MIA2: variants seen among roughly 807,000 people sequenced by gnomAD.
The protein encoded by MIA2 is MIA SH3 domain ER export factor 2.
MIA2 carries 127 observed loss-of-function variants against 167.8 expected under a neutral mutation model. The observed-to-expected ratio is 0.76, with a 90% CI of 0.66 to 0.88. MIA2 has a LOEUF of 0.88. Among genes scored for constraint, MIA2 ranks in the 40% least tolerant of loss-of-function variants. MIA2 has a pLI of 0.00. For synonymous variants in MIA2, 552 were observed against 541.9 expected (o/e 1.02, Z -0.26); for missense variants, 1,690 against 1,624.7 (o/e 1.04, Z -0.69).
chr14:39,385,456 A>G (rs1399059157), intron 23 of MIA2: 6 of 1,207,856 alleles, frequency 5.0e-6, no homozygotes, highest in African/African-American at 3.0e-5. Flanking sequence ...TCTTGGGTCA[A>G]TCAACTCTCT....
chr14:39,372,898 C>A (rs186516799), intron 23 of MIA2, among the ~76,000 whole-genome samples: 20 of 152,222 alleles, frequency 1.3e-4, no homozygotes, highest in African/African-American at 4.6e-4. Context: ...GCAATTCCTA[C>A]TGAAATTGAG....
intron 6 of MIA2, among the ~76,000 whole-genome samples, chr14:39,272,724 CT>C (rs1162509375): frequency 2.0e-5 from 3 of 152,030 alleles, no homozygotes; most frequent in Non-Finnish European, 2.9e-5. Flanking sequence ...GATCGCACCA[CT>C]GCACTCCAGC....
intron 16 of MIA2, among the ~76,000 whole-genome samples, 183 bp downstream of exon 16, chr14:39,303,707 A>G (rs910927395): frequency 6.6e-6 from 1 of 152,072 alleles, no homozygotes; most frequent in African/African-American, 2.4e-5. Flanking sequence ...AATTTATATA[A>G]TTTTTGGAAT....
chr14:39,372,897 A>C (rs1350199045), intron 23 of MIA2, among the ~76,000 whole-genome samples: 2 of 152,202 alleles, frequency 1.3e-5, no homozygotes, highest in Non-Finnish European at 2.9e-5. Context: ...AGCAATTCCT[A>C]CTGAAATTGA....
chr14:39,374,594 A>C (rs960413158), intron 23 of MIA2, among the ~76,000 whole-genome samples: 1 of 152,048 alleles, frequency 6.6e-6, no homozygotes, highest in Non-Finnish European at 1.5e-5. Context: ...ATAGATATAA[A>C]TATTTTGCTT....
chr14:39,375,240 T>C (rs774967751), intron 23 of MIA2, among the ~76,000 whole-genome samples: 19 of 152,250 alleles, frequency 1.2e-4, no homozygotes, highest in Non-Finnish European at 2.4e-4. Context: ...ATTGGCTCTG[T>C]TGATTAAAGT....
downstream of MIA2, among the ~76,000 whole-genome samples, chr14:39,352,999 T>C (rs1245438318): frequency 6.6e-6 from 1 of 152,186 alleles, no homozygotes; most frequent in Non-Finnish European, 1.5e-5. Flanking sequence ...TTGTATCCTT[T>C]GACCAGTATC....
intron 25 of MIA2, among the ~76,000 whole-genome samples, chr14:39,330,758 A>T (rs147384100): frequency 6.6e-6 from 1 of 152,128 alleles, no homozygotes; most frequent in Non-Finnish European, 1.5e-5. Context: ...TTCAGTTTCC[A>T]TGTAGCTGTG....
At chr14:39,354,609 G>C (rs868602386), downstream of MIA2, among the ~76,000 whole-genome samples, 4 of 152,102 alleles carry the variant, frequency 2.6e-5, no homozygotes, top group Non-Finnish European at 5.9e-5. Context: ...CATTGCTTTT[G>C]GTGTTTTAGA....
rs74965046 is a variant in MIA2 at position 39,293,161 on chromosome 14, G to C, written c.2209-110G>C. On this transcript the variant is annotated intron_variant, in intron 10 of 28. Transcript: ENST00000640607. ...TTTGATATTATAAAAATGAGCAAATGTATAAATGAAAGTTATTTAACTTAT... is the reference window on the plus strand; with the variant it reads ...TTTGATATTATAAAAATGAGCAAATCTATAAATGAAAGTTATTTAACTTAT... The C allele has an allele frequency of 6.2e-3, 4,780 of 773,608 alleles. 144 individuals carry two copies. The African/African-American group carries it at 0.066, about 11-fold the overall frequency. 47.9% of individuals were successfully genotyped at this position (773,608 alleles called of 1,614,324 possible).
intron 25 of MIA2, among the ~76,000 whole-genome samples, chr14:39,334,527 G>A (rs1411038727): frequency 6.6e-6 from 1 of 151,522 alleles, no homozygotes; most frequent in Non-Finnish European, 1.5e-5. Context: ...TTTCTTTTAT[G>A]TTGTGTTTCA....
At chr14:39,298,541 T>TGTTTTTTTTTTTTTG (rs1566804366) in intron 13 of MIA2, among the ~76,000 whole-genome samples, 1 of 133,570 alleles carries the variant, frequency 7.5e-6, no homozygotes, top group East Asian at 2.1e-4. Flanking sequence ...TTTTTTTTTT[T>TGTTTTTTTTTTTTTG]TTTTTTTTTT....
chr14:39,250,412 T>A (rs566964760), intron 4 of MIA2, among the ~76,000 whole-genome samples: 1 of 151,510 alleles, frequency 6.6e-6, no homozygotes, highest in East Asian at 1.9e-4. Context: ...AAAGAAAATA[T>A]TGGCGGGGTG....
chr14:39,372,891 A>G (rs1382846339), intron 23 of MIA2, among the ~76,000 whole-genome samples: 1 of 152,226 alleles, frequency 6.6e-6, no homozygotes, highest in African/African-American at 2.4e-5. Context: ...TAGACAAGCA[A>G]TTCCTACTGA....
rs566277398 is a variant in MIA2, at chr14:39,269,896, T to C, written c.1888-7038T>C. Among the ~76,000 whole-genome samples, 16 of 152,348 alleles carry C rather than the reference T, an allele frequency of 1.1e-4. No homozygotes were observed. The East Asian group carries it at 2.1e-3, about 20-fold the overall frequency. ...ATTTATGTCATAGTTGATGGACATA[T>C]GGATTATTAATACTTTTTGGCTATT... On this transcript the variant is annotated intron_variant, in intron 6 of 28. Transcript: ENST00000640607.
Position 39,299,940 on chromosome 14 carries a change from A to C in MIA2, c.2573A>C (p.Lys858Thr). ...CAGAAAGTAACATTTGAAGACTCCAAAGTACATGCAGAACAAGTTCTAAAT... is the reference window on the plus strand; with the variant it reads ...CAGAAAGTAACATTTGAAGACTCCACAGTACATGCAGAACAAGTTCTAAAT... The part of the protein sequence containing the change: ...NKQKVTFEDS[K>T]VHAEQVLNDK... Residue 858 changes from lysine (K) to threonine (T), a missense_variant, in exon 14 of 29, where the codon AAA (lysine) becomes ACA (threonine). Physicochemically the swap from Lys to Thr is moderately conservative, Grantham distance 78. Coordinates refer to ENST00000640607, the MANE Select transcript of MIA2 (RefSeq NM_001329214.4). The C allele has an allele frequency of 6.2e-7, 1 of 1,609,992 alleles. No individual in the cohort carries two copies. Among genetic ancestry groups the C allele is most frequent in the Non-Finnish European group, 8.5e-7 (1 of 1,178,722 alleles).
At chr14:39,283,189 G>T (rs2059186229) in intron 9 of MIA2, among the ~76,000 whole-genome samples, 1 of 152,150 alleles carries the variant, frequency 6.6e-6, no homozygotes, top group Non-Finnish European at 1.5e-5. Context: ...GAATAATGCT[G>T]CAGTGAACAT....
intron 19 of MIA2, among the ~76,000 whole-genome samples, chr14:39,314,350 G>T (rs2064927935): frequency 1.3e-5 from 2 of 148,686 alleles, no homozygotes; most frequent in South Asian, 4.3e-4. Flanking sequence ...TTACGCCACT[G>T]CACTGCATAC....
chr14:39,339,226 G>A (rs886463068), intron 25 of MIA2, among the ~76,000 whole-genome samples: 1 of 152,146 alleles, frequency 6.6e-6, no homozygotes, highest in African/African-American at 2.4e-5. Flanking sequence ...CTCACCTCCT[G>A]CTGTGCAAAC....
Sources: gnomAD v4.1 joint callset for allele counts (sites outside exome capture counted in the v4.1 genomes callset) on GRCh38, gnomAD v4.1.1 for gene constraint, MANE v1.5 for transcripts, NCBI Gene and HGNC (gene_info 2026-07-23, HGNC 2026-07-21) for gene names.